The following FUT9 variants were observed in gnomAD, a reference collection of about 807,000 sequenced individuals.
FUT9 encodes 4-galactosyl-N-acetylglucosaminide 3-alpha-L-fucosyltransferase 9.
Under a neutral mutation model 29.7 loss-of-function variants are expected in FUT9, and 15 were observed. The observed-to-expected ratio is 0.51, with a 90% CI of 0.34 to 0.78. FUT9 has a LOEUF of 0.78. FUT9 is among the 30% of genes least tolerant of loss of function. The pLI is 0.01. For synonymous variants in FUT9, 169 were observed against 153.7 expected, an observed-to-expected ratio of 1.10 and a Z score of -0.74; for missense variants, 319 against 425.4, an observed-to-expected ratio of 0.75 and a Z score of 2.20.
chr6:96,206,089 G>A lies in FUT9; in HGVS notation c.*1854G>A, dbSNP rs1773823684. 1 of 166,924 alleles carries A rather than the reference G, an allele frequency of 6.0e-6. No individual in the cohort carries two copies. Among genetic ancestry groups the A allele is most frequent in the Non-Finnish European group, 1.5e-5 (1 of 68,104 alleles). 10.3% of individuals were successfully genotyped at this position (166,924 alleles called of 1,614,324 possible). A position where few individuals can be genotyped will look rare whatever the true frequency, so the allele number is the denominator to read the frequency against. On this transcript the variant is annotated 3_prime_UTR_variant, in exon 3 of 3. Transcript: ENST00000302103. ...AAAGCTTCCTTTCAATTCAGCCTGA[G>A]ACTGTTTATATGCATGTGCTACTCC...
At chr6:96,052,806 A>T (rs1014519566) in intron 1 of FUT9, among the ~76,000 whole-genome samples, 2 of 152,154 alleles carry the variant, frequency 1.3e-5, no homozygotes, top group Non-Finnish European at 2.9e-5. Context: ...AAGAAAAAAA[A>T]TCTGAAAAAA....
chr6:96,189,512 A>G (rs1773466957), intron 2 of FUT9, among the ~76,000 whole-genome samples: 1 of 152,142 alleles, frequency 6.6e-6, no homozygotes, highest in South Asian at 2.1e-4. Flanking sequence ...GGGGTGTTAA[A>G]GTCTCCCATT....
chr6:96,158,889 G>A (rs561080366), intron 2 of FUT9, among the ~76,000 whole-genome samples: 19 of 152,092 alleles, frequency 1.2e-4, no homozygotes, highest in South Asian at 4.2e-4. Context: ...TGCTGCGTCC[G>A]TGTTGTTGAT....
At chr6:96,048,106 T>G (rs183215668) in intron 1 of FUT9, among the ~76,000 whole-genome samples, 58 of 152,300 alleles carry the variant, frequency 3.8e-4, no homozygotes, top group Non-Finnish European at 2.1e-4. Flanking sequence ...GCCCTGACCC[T>G]TCTTCTATAG....
At chr6:96,139,581 C>T (rs543749536) in intron 2 of FUT9, among the ~76,000 whole-genome samples, 4 of 152,192 alleles carry the variant, frequency 2.6e-5, no homozygotes, top group Non-Finnish European at 5.9e-5. Flanking sequence ...CTCCATGACC[C>T]TCCGCCCCTG....
chr6:96,186,909 G>A (rs7450170), intron 2 of FUT9, among the ~76,000 whole-genome samples: 138,799 of 152,158 alleles, frequency 0.91, 64,662 homozygotes, highest in Non-Finnish European at 1. Flanking sequence ...TACTCAGTCC[G>A]CCAATTTAAG....
intron 1 of FUT9, among the ~76,000 whole-genome samples, chr6:96,016,906 T>C (rs1160564186): frequency 1.3e-5 from 2 of 152,164 alleles, no homozygotes; most frequent in African/African-American, 4.8e-5. Context: ...ACCAAACCCT[T>C]TGGAAACAAA....
chr6:96,100,179 A>G lies in FUT9; in HGVS notation c.-97-13860A>G, dbSNP rs796194853. Among the ~76,000 whole-genome samples the G allele has an allele frequency of 1.8e-4, 27 of 152,074 alleles. 1 individual carries two copies. Among genetic ancestry groups the G allele is most frequent in the African/African-American group, 4.8e-4 (20 of 41,496 alleles). The stretch of plus-strand genomic sequence containing the variant: ...TTCACACCATTTCTTAAAATTATCA[A>G]AAAGTGTCCTCAAAGGAATTATTAC... On this transcript the variant is annotated intron_variant, in intron 1 of 2. Coordinates refer to ENST00000302103, the MANE Select transcript of FUT9 (RefSeq NM_006581.4).
intron 1 of FUT9, among the ~76,000 whole-genome samples, chr6:96,017,629 G>A (rs1347190523): frequency 6.6e-6 from 1 of 152,100 alleles, no homozygotes; most frequent in Non-Finnish European, 1.5e-5. Flanking sequence ...GTACTCCATG[G>A]AACCCTTGGT....
At chr6:96,198,098 G>A (rs534344431) in intron 2 of FUT9, among the ~76,000 whole-genome samples, 2 of 151,266 alleles carry the variant, frequency 1.3e-5, no homozygotes, top group African/African-American at 2.4e-5. Context: ...ATTCAGTAGA[G>A]TGTTCTTTTT....
At chr6:96,082,767 A>G (rs1169706475) in intron 1 of FUT9, among the ~76,000 whole-genome samples, 1 of 151,848 alleles carries the variant, frequency 6.6e-6, no homozygotes, top group East Asian at 1.9e-4. Flanking sequence ...CAGCCTTTCC[A>G]CTCAAAAACA....
rs879728071 is a variant in FUT9, at chr6:96,074,943, A to AT, written c.-97-39084dup. 9.2e-4 allele frequency among the ~76,000 whole-genome samples: 135 copies of AT among 146,688 alleles called. 3 individuals carry two copies. Among genetic ancestry groups the AT allele is most frequent in the South Asian group, 1.7e-3 (8 of 4,626 alleles). On this transcript the variant is annotated intron_variant, in intron 1 of 2. Transcript: ENST00000302103. Reference sequence around the variant, plus strand: ...AAGCTCACGCCACCATGGCCAGCGAATTTTTTTTTTTTAATTCTTTGTAGA... The same window carrying AT: ...AAGCTCACGCCACCATGGCCAGCGAATTTTTTTTTTTTTAATTCTTTGTAGA...
In FUT9 at chr6:96,118,204, CAA is replaced by C. The variant is rs71012538; in HGVS notation, c.-9+4095_-9+4096del. 1.9e-3 allele frequency among the ~76,000 whole-genome samples: 263 copies of C among 136,776 alleles called. 1 individual carries two copies. The highest frequency in any genetic ancestry group is 5.2e-3 in the African/African-American group (185 of 35,704). 89.7% of individuals were successfully genotyped at this position (136,776 alleles called of 152,430 possible). ...TGGGCAAGAGAGTAAGAGTCTGTCTCAAAAAAAAAAAAAAAAAAAGTCCTACT... is the reference window on the plus strand; with the variant it reads ...TGGGCAAGAGAGTAAGAGTCTGTCTCAAAAAAAAAAAAAAAAAGTCCTACT... On this transcript the variant is annotated intron_variant, in intron 2 of 2. Coordinates refer to ENST00000302103, the MANE Select transcript of FUT9 (RefSeq NM_006581.4).
intron 1 of FUT9, among the ~76,000 whole-genome samples, chr6:96,078,408 C>CTT (rs71012536): frequency 0.044 from 1,928 of 43,932 alleles, 607 homozygotes; most frequent in Middle Eastern, 0.088. Flanking sequence ...TATTAGTCTT[C>CTT]TTTTTTTTTT....
chr6:96,133,271 T>TAGAA (rs1228339052), intron 2 of FUT9, among the ~76,000 whole-genome samples: 1 of 151,974 alleles, frequency 6.6e-6, no homozygotes. Flanking sequence ...AAAATAGCCC[T>TAGAA]AGAAAGGTGG....
chr6:96,196,862 A>C (rs1020775714), intron 2 of FUT9, among the ~76,000 whole-genome samples: 4 of 152,144 alleles, frequency 2.6e-5, no homozygotes, highest in Admixed American at 2.0e-4. Context: ...CAATCAAATA[A>C]GGTAGGTCAG....
chr6:96,085,550 A>G (rs1246719697), intron 1 of FUT9, among the ~76,000 whole-genome samples: 3 of 152,194 alleles, frequency 2.0e-5, no homozygotes, highest in Non-Finnish European at 2.9e-5. Flanking sequence ...CATTCAAACT[A>G]TGGCAAAATA....
intron 2 of FUT9, among the ~76,000 whole-genome samples, chr6:96,115,398 T>C (rs1771891654): frequency 6.6e-6 from 1 of 152,212 alleles, no homozygotes; most frequent in African/African-American, 2.4e-5. Flanking sequence ...CACATCTCAA[T>C]TCAGATACTA....
chr6:96,112,837 A>AATC (rs1183215394), intron 1 of FUT9, among the ~76,000 whole-genome samples: 1 of 152,212 alleles, frequency 6.6e-6, no homozygotes, highest in African/African-American at 2.4e-5. Context: ...GAGAAAACTG[A>AATC]ATCTGCCCTT....
Sources: allele counts gnomAD v4.1 joint callset (sites outside exome capture counted in the v4.1 genomes callset), GRCh38; gene constraint gnomAD v4.1.1; transcripts MANE v1.5; gene names NCBI Gene and HGNC (gene_info 2026-07-23, HGNC 2026-07-21).